The following PLB1 variants were observed in gnomAD, a reference collection of about 807,000 sequenced individuals.
The protein encoded by PLB1 is phospholipase B1, membrane-associated.
A neutral mutation model predicts 227.4 loss-of-function variants in PLB1; 242 were observed. That is an observed-to-expected ratio of 1.06 (90% confidence interval 0.96 to 1.18). PLB1 has a LOEUF of 1.18. Ranked by LOEUF, PLB1 falls within the 50% of genes most tolerant of loss-of-function variation. The pLI, the probability that PLB1 is intolerant of heterozygous loss-of-function variation, is 0.00. For synonymous variants in PLB1, 757 were observed against 682.2 expected, an observed-to-expected ratio of 1.11 and a Z score of -1.71; for missense variants, 1,858 against 1,816.3, an observed-to-expected ratio of 1.02 and a Z score of -0.42.
chr2:28,585,815 C>T lies in PLB1; in HGVS notation c.1788C>T (p.Thr596=). ...KFDDNSTELA[T]LIEFNKKFQE... Reference sequence around the variant, plus strand: ...ATGATAACTCAACAGAACTTGCTACCCTCATCGAATTCAACAAGAAGTTTC... The same window carrying T: ...ATGATAACTCAACAGAACTTGCTACTCTCATCGAATTCAACAAGAAGTTTC... The change falls in exon 26 of 58, where the codon ACC becomes ACT. Residue 596 remains threonine (T), a synonymous_variant. Coordinates refer to ENST00000327757, the MANE Select transcript of PLB1 (RefSeq NM_153021.5). 6.2e-7 allele frequency: 1 copy of T among 1,611,762 alleles called. No individual in the cohort carries two copies. The highest frequency in any genetic ancestry group is 8.5e-7 in the Non-Finnish European group (1 of 1,177,912).
intron 1 of PLB1, among the ~76,000 whole-genome samples, chr2:28,511,926 A>G (rs1326218505): frequency 6.6e-6 from 1 of 150,468 alleles, no homozygotes; most frequent in Admixed American, 6.6e-5. Flanking sequence ...CTGGGATTAC[A>G]GGCACCTACC....
chr2:28,545,729 A>AT (rs759989504), intron 14 of PLB1, among the ~76,000 whole-genome samples: 8 of 152,216 alleles, frequency 5.3e-5, no homozygotes, highest in Admixed American at 1.3e-4. Flanking sequence ...CTGCCACCAC[A>AT]TCTGTGATTC....
rs755424379 is a variant in PLB1 at position 28,566,836 on chromosome 2, G to A, written c.1321G>A (p.Ala441Thr). 1.2e-6 allele frequency: 2 copies of A among 1,613,996 alleles called. No homozygotes were observed. The highest frequency in any genetic ancestry group is 3.3e-5 in the Admixed American group (2 of 59,932). ...DENIGTVTTL[A>T]NILREFNPSL... ...GAACATCGGCACCGTTACCACCCTG[G>A]CGAGTGAGTACGCGGCGGCGGCCGG... The change falls in exon 20 of 58, where the codon GCG becomes ACG. Residue 441 changes from alanine (A) to threonine (T), a missense_variant. By Grantham distance (58) the Ala-to-Thr change is moderately conservative. Transcript: ENST00000327757.
chr2:28,619,532 T>G (rs1322210712), intron 46 of PLB1, among the ~76,000 whole-genome samples: 1 of 151,696 alleles, frequency 6.6e-6, no homozygotes, highest in Non-Finnish European at 1.5e-5. Context: ...TTGTTTTTTT[T>G]TTTTTTTTTA....
chr2:28,568,309 A>G (rs1247433893), intron 20 of PLB1, among the ~76,000 whole-genome samples: 1 of 152,210 alleles, frequency 6.6e-6, no homozygotes, highest in Non-Finnish European at 1.5e-5. Context: ...TGCTCGTATT[A>G]TGGACAAGAT....
intron 1 of PLB1, among the ~76,000 whole-genome samples, chr2:28,499,847 C>T (rs1192714686): frequency 3.9e-5 from 6 of 151,998 alleles, no homozygotes; most frequent in South Asian, 2.1e-4. Flanking sequence ...ATTGCACCAC[C>T]GTACTCCAGC....
chr2:28,626,927 G>C (rs1305984208), intron 51 of PLB1, among the ~76,000 whole-genome samples: 4 of 152,326 alleles, frequency 2.6e-5, no homozygotes, highest in Admixed American at 6.5e-5. Flanking sequence ...CCAAACCTCA[G>C]TGGTGGCCCT....
intron 35 of PLB1, 79 bp from the exon 36 acceptor site, chr2:28,600,730 G>A: frequency 1.5e-6 from 2 of 1,371,366 alleles, no homozygotes; most frequent in South Asian, 2.3e-5. Flanking sequence ...TACTGTAGAA[G>A]CCTCTGGTTC....
intron 9 of PLB1, among the ~76,000 whole-genome samples, chr2:28,533,741 G>A (rs1161339406): frequency 1.3e-5 from 2 of 152,144 alleles, no homozygotes; most frequent in Admixed American, 6.5e-5. Flanking sequence ...TGAATACTTA[G>A]ACTCATCAAT....
chr2:28,632,919 A>G, intron 55 of PLB1, 25 bp from the exon 56 acceptor site: 2 of 1,585,720 alleles, frequency 1.3e-6, no homozygotes, highest in South Asian at 1.1e-5. Context: ...TCCCAGGATG[A>G]TAACCTCCTT....
intron 14 of PLB1, among the ~76,000 whole-genome samples, chr2:28,544,676 C>A (rs1672981410): frequency 6.6e-6 from 1 of 152,082 alleles, no homozygotes; most frequent in African/African-American, 2.4e-5. Context: ...GCAATGTGAA[C>A]AATGAGGCCG....
intron 43 of PLB1, among the ~76,000 whole-genome samples, chr2:28,613,536 AG>A (rs1416321887): frequency 1.3e-5 from 2 of 152,108 alleles, no homozygotes; most frequent in Non-Finnish European, 2.9e-5. Flanking sequence ...GGGAATGAGG[AG>A]GGTGTTTTAC....
At chr2:28,578,209 A>G in intron 22 of PLB1, 51 bp downstream of exon 22, 1 of 1,578,976 alleles carries the variant, frequency 6.3e-7, no homozygotes. Context: ...GACACAGAGA[A>G]GATCAGCTGT....
chr2:28,626,642 C>A, intron 51 of PLB1, 134 bp downstream of exon 51: 1 of 781,790 alleles, frequency 1.3e-6, no homozygotes, highest in Non-Finnish European at 2.2e-6. Context: ...TGCCCCAGGC[C>A]CTCCCTGGTT....
rs1558821610 is a variant in PLB1, at chr2:28,581,496, AATAAAT to A, written c.1567-570_1567-565del. On this transcript the variant is annotated intron_variant, in intron 23 of 57. Coordinates refer to ENST00000327757, the MANE Select transcript of PLB1 (RefSeq NM_153021.5). ...AGAGCTCCACGCAAAAAAATAAATA[AATAAAT>A]AAATAAATAAATAAATAAATAAATA... is the stretch of plus-strand genomic sequence containing the variant. Among the ~76,000 whole-genome samples, 528 of 79,766 alleles carry A rather than the reference AATAAAT, an allele frequency of 6.6e-3. 23 individuals are homozygous for A. The highest frequency in any genetic ancestry group is 0.028 in the African/African-American group (471 of 16,828). The allele number at this position is 79,766 out of a possible 152,430, so 52.3% of individuals were successfully genotyped here.
chr2:28,609,751 C>T (rs1685178674), intron 43 of PLB1, among the ~76,000 whole-genome samples: 1 of 152,160 alleles, frequency 6.6e-6, no homozygotes, highest in Non-Finnish European at 1.5e-5. Flanking sequence ...TCTATTTCTG[C>T]CAACTTCATT....
At chr2:28,513,136 A>G (rs112086309) in intron 1 of PLB1, among the ~76,000 whole-genome samples, 2 of 152,098 alleles carry the variant, frequency 1.3e-5, no homozygotes, top group Non-Finnish European at 2.9e-5. Flanking sequence ...TCTCTTGACT[A>G]TGGTTTATTT....
intron 14 of PLB1, chr2:28,548,605 C>T (rs145643065): frequency 4.0e-5 from 22 of 543,830 alleles, no homozygotes; most frequent in South Asian, 3.2e-4. Context: ...ATATATAAAA[C>T]CGATGCTGCT....
chr2:28,517,220 G>A (rs1668957780), intron 2 of PLB1, among the ~76,000 whole-genome samples: 1 of 152,232 alleles, frequency 6.6e-6, no homozygotes, highest in Admixed American at 6.5e-5. Context: ...TAAGAGCTGA[G>A]AGTAAATGCT....
Sources: allele counts gnomAD v4.1 joint callset (sites outside exome capture counted in the v4.1 genomes callset), GRCh38; gene constraint gnomAD v4.1.1; transcripts MANE v1.5; gene names NCBI Gene and HGNC (gene_info 2026-07-23, HGNC 2026-07-21).